The following NME8 variants were observed in gnomAD, a reference collection of about 807,000 sequenced individuals.
NME8 encodes the protein protein NME8.
A neutral mutation model predicts 82.3 loss-of-function variants in NME8; 72 were observed. The ratio of observed to expected loss-of-function variants is 0.87; its 90% CI spans 0.72 to 1.06. The LOEUF (loss-of-function observed/expected upper bound fraction) is 1.06, where lower values mean the gene tolerates loss of function less well. Ranked by LOEUF, NME8 falls within the 50% of genes least tolerant of loss-of-function variation. NME8 has a pLI of 0.00. For synonymous variants in NME8, 267 were observed against 228.5 expected, an observed-to-expected ratio of 1.17 and a Z score of -1.52; for missense variants, 712 against 685.4, an observed-to-expected ratio of 1.04 and a Z score of -0.43.
intron 13 of NME8, 68 bp downstream of exon 13, chr7:37,884,515 G>A: frequency 1.4e-6 from 2 of 1,431,456 alleles, no homozygotes; most frequent in Non-Finnish European, 2.0e-6. Flanking sequence ...TCTTAAGTCT[G>A]GTTTCTATTT....
chr7:37,883,932 T>C (rs923462859), intron 12 of NME8, among the ~76,000 whole-genome samples: 2 of 151,864 alleles, frequency 1.3e-5, no homozygotes, highest in Non-Finnish European at 2.9e-5. Context: ...ACTTCCATAA[T>C]TGTGTTGGTT....
intron 14 of NME8, among the ~76,000 whole-genome samples, chr7:37,887,117 G>A (rs1035462183): frequency 6.6e-6 from 1 of 152,122 alleles, no homozygotes; most frequent in African/African-American, 2.4e-5. Flanking sequence ...TAGATAGATA[G>A]AAAAACAGAT....
intron 15 of NME8, among the ~76,000 whole-genome samples, chr7:37,892,585 T>C (rs1785146428): frequency 6.6e-6 from 1 of 151,956 alleles, no homozygotes; most frequent in Non-Finnish European, 1.5e-5. Context: ...TATCTATCAC[T>C]TTCCCTATTG....
At chr7:37,881,648 A>ATTTAC (rs1440138006) in intron 12 of NME8, among the ~76,000 whole-genome samples, 2 of 152,156 alleles carry the variant, frequency 1.3e-5, no homozygotes, top group Non-Finnish European at 2.9e-5. Flanking sequence ...TATTATGGTA[A>ATTTAC]GTCTGGCCTC....
chr7:37,849,826 G>T (rs1784411939), intron 2 of NME8, among the ~76,000 whole-genome samples: 1 of 143,502 alleles, frequency 7.0e-6, no homozygotes, highest in Non-Finnish European at 1.5e-5. Context: ...AGCCCAGATT[G>T]TGCCACTGCA....
At chr7:37,888,150 C>T in intron 14 of NME8, 127 bp from the exon 15 acceptor site, 1 of 936,422 alleles carries the variant, frequency 1.1e-6, no homozygotes, top group Non-Finnish European at 1.7e-6. Flanking sequence ...TACTTACTTC[C>T]TTTTGCACAG....
chr7:37,869,480 T>A (rs1450788758), intron 11 of NME8, among the ~76,000 whole-genome samples: 1 of 152,172 alleles, frequency 6.6e-6, no homozygotes, highest in East Asian at 1.9e-4. Context: ...TCCATGGGGC[T>A]ATTGTTTAGG....
Position 37,850,412 on chromosome 7 carries a change from T to C in NME8, c.68T>C (p.Met23Thr). The change falls in exon 4 of 18, where the codon ATG becomes ACG. Residue 23 changes from methionine (M) to threonine (T), a missense_variant. Coordinates refer to ENST00000199447, the MANE Select transcript of NME8 (RefSeq NM_016616.5). Reference sequence around the variant, plus strand: ...AATAATCAAAGCCTGTGGGATGAGATGTTGCAGAACAAAGGCTTAACAGGT... The same window carrying C: ...AATAATCAAAGCCTGTGGGATGAGACGTTGCAGAACAAAGGCTTAACAGGT... ...VINNQSLWDE[M>T]LQNKGLTVID... 1 of 1,614,168 alleles carries C rather than the reference T, an allele frequency of 6.2e-7. No individual in the cohort carries two copies. Among genetic ancestry groups the C allele is most frequent in the South Asian group, 1.1e-5 (1 of 91,082 alleles).
At chr7:37,878,816 A>G (rs1784898221) in intron 12 of NME8, among the ~76,000 whole-genome samples, 1 of 152,180 alleles carries the variant, frequency 6.6e-6, no homozygotes, top group Non-Finnish European at 1.5e-5. Flanking sequence ...TCCTATCAAC[A>G]TCATGTATTA....
chr7:37,865,569 G>T lies in NME8; in HGVS notation c.573G>T (p.Val191=). ...TTATAGAAGCAGAGCATAAGACAGT[G>T]CTCACTGAAGAACAAGTTGTCAACT... is the stretch of plus-strand genomic sequence containing the variant. ...GFIIEAEHKT[V]LTEEQVVNFY... is the part of the protein sequence containing the mutation. The change falls in exon 10 of 18, where the codon GTG becomes GTT. Residue 191 remains valine, a synonymous_variant. Transcript: ENST00000199447. The T allele has an allele frequency of 2.5e-6, 4 of 1,613,520 alleles. No individual in the cohort carries two copies. The highest frequency in any genetic ancestry group is 3.4e-6 in the Non-Finnish European group (4 of 1,179,568).
At chr7:37,875,913 T>C (rs1313916142) in intron 11 of NME8, among the ~76,000 whole-genome samples, 4 of 151,978 alleles carry the variant, frequency 2.6e-5, no homozygotes, top group Admixed American at 1.3e-4. Flanking sequence ...CCATAAATAA[T>C]ATATAATAAA....
At chr7:37,860,699 G>A (rs1027738023) in intron 6 of NME8, among the ~76,000 whole-genome samples, 2 of 152,114 alleles carry the variant, frequency 1.3e-5, no homozygotes, top group South Asian at 2.1e-4. Context: ...TCAGCTGAAT[G>A]CTATGCTTTC....
At chr7:37,877,367 G>A (rs1192691936) in intron 12 of NME8, among the ~76,000 whole-genome samples, 1 of 152,052 alleles carries the variant, frequency 6.6e-6, no homozygotes, top group African/African-American at 2.4e-5. Context: ...ATTTCTTCAC[G>A]TGTAAAATTC....
chr7:37,870,367 G>C (rs886525690), intron 11 of NME8, among the ~76,000 whole-genome samples: 2 of 152,008 alleles, frequency 1.3e-5, no homozygotes, highest in Non-Finnish European at 2.9e-5. Flanking sequence ...GAGACAGGCA[G>C]ATCATGAGGT....
At chr7:37,860,543 T>C (rs1784584197) in intron 6 of NME8, among the ~76,000 whole-genome samples, 1 of 152,218 alleles carries the variant, frequency 6.6e-6, no homozygotes, top group Non-Finnish European at 1.5e-5. Context: ...GGATGCCACT[T>C]CCCTCTGTTC....
At position 37,864,411 on chromosome 7, in the gene NME8, TTAA is replaced by T; in HGVS notation, c.519_521del (p.Lys174del). The stretch of plus-strand genomic sequence containing the variant: ...GTGATTAGTAAAAAAGTTCTAGAAA[TTAA>T]AAGAAAAGTAAGTAATATTTTCCAA... On this transcript the variant is annotated inframe_deletion, in exon 9 of 18. Transcript: ENST00000199447. 6.3e-7 allele frequency: 1 copy of T among 1,578,978 alleles called. No individual in the cohort carries two copies. The highest frequency in any genetic ancestry group is 8.7e-7 in the Non-Finnish European group (1 of 1,152,460).
chr7:37,883,374 GTTTTCCTTTC>G (rs1784993657), intron 12 of NME8, among the ~76,000 whole-genome samples: 1 of 152,094 alleles, frequency 6.6e-6, no homozygotes. Context: ...TATATCCTGT[GTTTTCCTTTC>G]TTTTCTGTGA....
chr7:37,880,359 T>C (rs1237117833), intron 12 of NME8, among the ~76,000 whole-genome samples: 3 of 152,186 alleles, frequency 2.0e-5, no homozygotes, highest in Non-Finnish European at 2.9e-5. Context: ...ATCATCCATT[T>C]TGAGTTATTT....
intron 11 of NME8, among the ~76,000 whole-genome samples, chr7:37,874,611 A>G (rs1049482153): frequency 6.6e-6 from 1 of 152,178 alleles, no homozygotes; most frequent in African/African-American, 2.4e-5. Context: ...AAATAAGGGG[A>G]AAAAAGAAGA....
Sources: allele counts gnomAD v4.1 joint callset (sites outside exome capture counted in the v4.1 genomes callset), GRCh38; gene constraint gnomAD v4.1.1; transcripts MANE v1.5; gene names NCBI Gene and HGNC (gene_info 2026-07-23, HGNC 2026-07-21).